CBR4: variants seen among roughly 807,000 people sequenced by gnomAD.
CBR4 encodes carbonyl reductase 4, also known as 3-oxoacyl-[acyl-carrier-protein] reductase.
Under a neutral mutation model 21.0 loss-of-function variants are expected in CBR4, and 22 were observed. That is an observed-to-expected ratio of 1.05 (90% CI 0.75 to 1.50). CBR4 has a LOEUF of 1.50. CBR4 is among the 40% of genes most tolerant of loss of function. The pLI is 0.00. For missense variants in CBR4, 302 were observed against 286.3 expected, an observed-to-expected ratio of 1.05 and a Z score of -0.40; for synonymous variants, 100 against 104.4, an observed-to-expected ratio of 0.96 and a Z score of 0.26.
At chr4:168,923,946 CACA>C (rs1762086545) in intron 2 of CBR4, among the ~76,000 whole-genome samples, 1 of 152,072 alleles carries the variant, frequency 6.6e-6, no homozygotes, top group South Asian at 2.1e-4. Context: ...GTGAAGCCAT[CACA>C]GATGCTAGCA....
At chr4:168,906,724 A>G (rs542824607) in intron 2 of CBR4, among the ~76,000 whole-genome samples, 2 of 152,308 alleles carry the variant, frequency 1.3e-5, no homozygotes, top group East Asian at 3.9e-4. Context: ...TCTTGGGCTC[A>G]AGCAGTCCTC....
At chr4:168,972,765 C>T (rs1764248835) in intron 2 of CBR4, among the ~76,000 whole-genome samples, 1 of 151,910 alleles carries the variant, frequency 6.6e-6, no homozygotes, top group Non-Finnish European at 1.5e-5. Context: ...TGTGGATGCC[C>T]TTTCTTTCTC....
intron 4 of CBR4, among the ~76,000 whole-genome samples, chr4:168,994,438 G>T (rs1973111): frequency 0.69 from 105,304 of 152,108 alleles, 37,812 homozygotes; most frequent in East Asian, 0.96. Flanking sequence ...TGGCCAGTTT[G>T]GGGGCCAGTT....
chr4:168,939,432 T>C (rs969589778), intron 2 of CBR4, among the ~76,000 whole-genome samples: 1 of 152,146 alleles, frequency 6.6e-6, no homozygotes, highest in Admixed American at 6.5e-5. Context: ...AACATAGTAC[T>C]GGAAGTTCTG....
chr4:168,926,608 A>G, intron 2 of CBR4: 2 of 448,648 alleles, frequency 4.5e-6, no homozygotes, highest in Non-Finnish European at 7.9e-6. Flanking sequence ...TTTACTGTCC[A>G]ATTTAAAACT....
At chr4:168,984,043 A>G (rs116551164), downstream of CBR4, among the ~76,000 whole-genome samples, 942 of 152,224 alleles carry the variant, frequency 6.2e-3, 8 homozygotes, top group African/African-American at 0.021. Context: ...ACATAATATT[A>G]TAAGTCCTAG....
chr4:168,924,436 G>A lies in CBR4; in HGVS notation n.170-29671C>T, dbSNP rs1762179135. 1 of 1,608,618 alleles carries A rather than the reference G, an allele frequency of 6.2e-7. No homozygotes were observed. Among genetic ancestry groups the A allele is most frequent in the East Asian group, 2.2e-5 (1 of 44,838 alleles). On this transcript the variant is annotated intron_variant and non_coding_transcript_variant, in intron 2 of 3. Coordinates refer to the CBR4 transcript ENST00000509108. ...ACCGAGTGAGGTAAGACTGCACAAT[G>A]AGAACCTGATCCTTAACTGTTCAGT...
At chr4:168,923,949 A>G (rs1305455010) in intron 2 of CBR4, among the ~76,000 whole-genome samples, 2 of 152,168 alleles carry the variant, frequency 1.3e-5, no homozygotes, top group Non-Finnish European at 2.9e-5. Context: ...AAGCCATCAC[A>G]GATGCTAGCA....
At chr4:168,986,804 G>A (rs1191935086), downstream of CBR4, among the ~76,000 whole-genome samples, 6 of 152,052 alleles carry the variant, frequency 3.9e-5, no homozygotes, top group Admixed American at 6.6e-5. Flanking sequence ...AATTAGTCAC[G>A]CAGGGTTAAT....
At chr4:168,975,524 C>T (rs896666621) in intron 2 of CBR4, among the ~76,000 whole-genome samples, 14 of 152,140 alleles carry the variant, frequency 9.2e-5, no homozygotes, top group Middle Eastern at 3.2e-3. Flanking sequence ...TCATTGGCCT[C>T]TAGCGAGGAA....
At chr4:168,956,142 T>C (rs1275306080) in intron 2 of CBR4, among the ~76,000 whole-genome samples, 1 of 152,106 alleles carries the variant, frequency 6.6e-6, no homozygotes, top group East Asian at 1.9e-4. Context: ...AACCCATATG[T>C]TTCAGATCAA....
At chr4:168,945,102 A>C (rs974411478) in intron 2 of CBR4, among the ~76,000 whole-genome samples, 1 of 152,190 alleles carries the variant, frequency 6.6e-6, no homozygotes, top group African/African-American at 2.4e-5. Flanking sequence ...CAGTACTCCA[A>C]GTGTGACCCC....
chr4:168,932,387 T>G (rs1345082030), intron 2 of CBR4, among the ~76,000 whole-genome samples: 3 of 151,002 alleles, frequency 2.0e-5, no homozygotes, highest in African/African-American at 4.9e-5. Flanking sequence ...AAATAACTCA[T>G]GCAGACAAAA....
intron 2 of CBR4, among the ~76,000 whole-genome samples, chr4:168,921,982 G>A (rs1761605683): frequency 6.6e-6 from 1 of 151,790 alleles, no homozygotes; most frequent in African/African-American, 2.4e-5. Context: ...TGGGTCATTC[G>A]ACCTCCTGTG....
chr4:168,940,841 A>G (rs934164906), intron 2 of CBR4, among the ~76,000 whole-genome samples: 1 of 152,242 alleles, frequency 6.6e-6, no homozygotes, highest in Non-Finnish European at 1.5e-5. Flanking sequence ...GGGAGTGTAA[A>G]TTAGTTCAAC....
chr4:169,007,028 C>T, intron 2 of CBR4, 137 bp from the exon 3 acceptor site: 1 of 632,924 alleles, frequency 1.6e-6, no homozygotes, highest in South Asian at 2.3e-5. Flanking sequence ...ACCTAGAGTC[C>T]CATTTTGAAC....
At chr4:168,908,052 T>C (rs566052272) in intron 2 of CBR4, among the ~76,000 whole-genome samples, 86 of 152,314 alleles carry the variant, frequency 5.6e-4, no homozygotes, top group African/African-American at 1.9e-3. Flanking sequence ...TAAATGTATA[T>C]ATCCCACTGA....
At chr4:168,986,101 A>G (rs11727841), downstream of CBR4, among the ~76,000 whole-genome samples, 2 of 152,016 alleles carry the variant, frequency 1.3e-5, no homozygotes, top group African/African-American at 4.8e-5. Context: ...CGGGGGGGGA[A>G]CAATAAAAAT....
chr4:168,985,270 C>A (rs1764652856), downstream of CBR4, among the ~76,000 whole-genome samples: 1 of 151,954 alleles, frequency 6.6e-6, no homozygotes, highest in Non-Finnish European at 1.5e-5. Flanking sequence ...ATACGTGCAG[C>A]CAACAAGCAT....
Sources: allele counts gnomAD v4.1 joint callset (sites outside exome capture counted in the v4.1 genomes callset), GRCh38; gene constraint gnomAD v4.1.1; transcripts MANE v1.5; gene names NCBI Gene and HGNC (gene_info 2026-07-23, HGNC 2026-07-21).